The following RFX3 variants were observed in gnomAD, a reference collection of about 807,000 sequenced individuals.
The protein encoded by RFX3 is regulatory factor X3.
A neutral mutation model predicts 98.6 loss-of-function variants in RFX3; 14 were observed. The ratio of observed to expected loss-of-function variants is 0.14; its 90% confidence interval spans 0.09 to 0.22. The LOEUF (loss-of-function observed/expected upper bound fraction) is 0.22. RFX3 is among the 10% of genes least tolerant of loss of function. The probability of loss-of-function intolerance (pLI) is 1.00; values close to 1 mark genes in which losing one functional copy is unlikely to be tolerated. For synonymous variants in RFX3, 383 were observed against 328.4 expected (o/e 1.17, Z -1.80); for missense variants, 639 against 926.9 (o/e 0.69, Z 4.03).
At chr9:3,456,147 T>C (rs1847130549) in intron 1 of RFX3, among the ~76,000 whole-genome samples, 1 of 152,220 alleles carries the variant, frequency 6.6e-6, no homozygotes, top group South Asian at 2.1e-4. Context: ...GGAGCCCTCA[T>C]GACCTTATGA....
intron 1 of RFX3, among the ~76,000 whole-genome samples, chr9:3,403,997 T>A (rs1363287275): frequency 1.3e-5 from 2 of 152,106 alleles, no homozygotes; most frequent in Admixed American, 1.3e-4. Flanking sequence ...CAGAATAGAG[T>A]CTTTTGCAGT....
intron 13 of RFX3, among the ~76,000 whole-genome samples, chr9:3,261,401 G>C (rs2131191987): frequency 6.6e-6 from 1 of 152,202 alleles, no homozygotes; most frequent in East Asian, 1.9e-4. Context: ...TGTCACGTGT[G>C]ATCCTTTGTA....
At chr9:3,402,493 A>G (rs1841569467) in intron 1 of RFX3, among the ~76,000 whole-genome samples, 1 of 152,236 alleles carries the variant, frequency 6.6e-6, no homozygotes, top group South Asian at 2.1e-4. Context: ...CTAAAATGTG[A>G]CCATATTCAA....
chr9:3,504,230 CTA>C (rs1374362744), intron 1 of RFX3, among the ~76,000 whole-genome samples: 1 of 120,324 alleles, frequency 8.3e-6, no homozygotes, highest in African/African-American at 3.6e-5. Flanking sequence ...ATATTATATA[CTA>C]TATATTATAT....
chr9:3,463,453 C>G (rs1847898613), intron 1 of RFX3, among the ~76,000 whole-genome samples: 1 of 151,900 alleles, frequency 6.6e-6, no homozygotes, highest in African/African-American at 2.4e-5. Context: ...AGATAAAAAT[C>G]TTTAGCACTC....
At chr9:3,490,730 C>A (rs1850661628) in intron 1 of RFX3, among the ~76,000 whole-genome samples, 1 of 152,062 alleles carries the variant, frequency 6.6e-6, no homozygotes, top group Non-Finnish European at 1.5e-5. Flanking sequence ...AATCACCCTG[C>A]TAATTTCTTG....
intron 15 of RFX3, chr9:3,247,644 GGAAA>G (rs1193458328): frequency 7.2e-7 from 1 of 1,381,762 alleles, no homozygotes; most frequent in African/African-American, 1.5e-5. Flanking sequence ...TTGGAGACCG[GGAAA>G]GAGTCTACAA....
At chr9:3,345,744 C>G (rs1265459843) in intron 3 of RFX3, among the ~76,000 whole-genome samples, 1 of 152,132 alleles carries the variant, frequency 6.6e-6, no homozygotes, top group Non-Finnish European at 1.5e-5. Context: ...ATAACAACAA[C>G]TGAACTCACA....
intron 1 of RFX3, among the ~76,000 whole-genome samples, chr9:3,508,211 T>C (rs1480973024): frequency 1.3e-5 from 2 of 151,964 alleles, no homozygotes; most frequent in Non-Finnish European, 2.9e-5. Context: ...TTGAGTTTCC[T>C]TCTCTGCACA....
chr9:3,441,001 T>C (rs185950909), intron 1 of RFX3, among the ~76,000 whole-genome samples: 31 of 152,306 alleles, frequency 2.0e-4, no homozygotes, highest in Admixed American at 2.0e-3. Context: ...TTAACAAGTA[T>C]TGTTGGAACA....
chr9:3,316,779 G>C (rs1304288130), intron 4 of RFX3, among the ~76,000 whole-genome samples: 1 of 152,120 alleles, frequency 6.6e-6, no homozygotes, highest in Admixed American at 6.5e-5. Context: ...TTGCATCAAA[G>C]AGAATAAAAT....
rs1037794592 is a variant in RFX3 at position 3,219,514 on chromosome 9, G to C, written c.*5528C>G. Reference sequence around the variant, plus strand: ...CAAACCAGAACCAAATAAAAGAAGAGACAAAACACATTTTTCTTTTTAAAA... The same window carrying C: ...CAAACCAGAACCAAATAAAAGAAGACACAAAACACATTTTTCTTTTTAAAA... On this transcript the variant is annotated 3_prime_UTR_variant, in exon 17 of 17. Transcript: ENST00000617270. The C allele has an allele frequency of 8.0e-5, 12 of 149,406 alleles. No homozygotes were observed. The highest frequency in any genetic ancestry group is 2.5e-4 in the African/African-American group (10 of 40,672). 9.3% of individuals were successfully genotyped at this position (149,406 alleles called of 1,614,324 possible).
intron 2 of RFX3, among the ~76,000 whole-genome samples, chr9:3,379,869 A>C (rs989619324): frequency 6.7e-6 from 1 of 149,516 alleles, no homozygotes; most frequent in Non-Finnish European, 1.5e-5. Context: ...GACCTTTATA[A>C]CTTATGGGCA....
At chr9:3,344,537 C>T (rs950614659) in intron 3 of RFX3, among the ~76,000 whole-genome samples, 5 of 152,104 alleles carry the variant, frequency 3.3e-5, no homozygotes, top group African/African-American at 1.2e-4. Context: ...TTAGCTGGGA[C>T]CAGTACAAAA....
At chr9:3,412,481 AATAAAG>A (rs1192679810) in intron 1 of RFX3, among the ~76,000 whole-genome samples, 1 of 152,216 alleles carries the variant, frequency 6.6e-6, no homozygotes, top group Non-Finnish European at 1.5e-5. Context: ...CAAACCATTT[AATAAAG>A]ATATATTAAT....
At chr9:3,503,177 G>C (rs560922546) in intron 1 of RFX3, among the ~76,000 whole-genome samples, 1 of 152,246 alleles carries the variant, frequency 6.6e-6, no homozygotes, top group African/African-American at 2.4e-5. Flanking sequence ...CACAGCTTGA[G>C]AAAATGTGTG....
At chr9:3,310,653 G>T (rs1829855530) in intron 4 of RFX3, among the ~76,000 whole-genome samples, 1 of 152,090 alleles carries the variant, frequency 6.6e-6, no homozygotes, top group East Asian at 1.9e-4. Context: ...GTAAAGGTAA[G>T]GAATATTATC....
rs1817624437 is a variant in RFX3, at chr9:3,225,191, G to T, written c.2101C>A (p.Gln701Lys). The change falls in exon 17 of 17, where the codon CAG becomes AAG. Residue 701 changes from glutamine (Q) to lysine (K), a missense_variant. Gln to Lys is a moderately conservative substitution (Grantham distance 53). Coordinates refer to ENST00000617270, the MANE Select transcript of RFX3 (RefSeq NM_001282116.2). The part of the protein sequence containing the change: ...QAKREKTELS[Q>K]AFPVGCMQPV... The stretch of plus-strand genomic sequence containing the variant: ...TGCATGCAGCCCACTGGAAATGCCT[G>T]GCTCAGCTCTGTTTTCTCTCTTTTG... The T allele has an allele frequency of 1.2e-6, 2 of 1,613,916 alleles. No homozygotes were observed. Among genetic ancestry groups the T allele is most frequent in the Admixed American group, 1.7e-5 (1 of 59,936 alleles).
intron 1 of RFX3, among the ~76,000 whole-genome samples, chr9:3,504,188 A>G (rs1486341284): frequency 2.0e-5 from 2 of 97,750 alleles, no homozygotes; most frequent in South Asian, 3.0e-4. Context: ...TATACATATT[A>G]TATATTATAT....
Sources: allele counts gnomAD v4.1 joint callset (sites outside exome capture counted in the v4.1 genomes callset), GRCh38; gene constraint gnomAD v4.1.1; transcripts MANE v1.5; gene names NCBI Gene and HGNC (gene_info 2026-07-23, HGNC 2026-07-21).